The following COL21A1 variants were observed in gnomAD, a reference collection of about 807,000 sequenced individuals.
The protein encoded by COL21A1 is collagen type XXI alpha 1 chain.
COL21A1 carries 149 observed loss-of-function variants against 137.9 expected under a neutral mutation model. The ratio of observed to expected loss-of-function variants is 1.08; its 90% CI spans 0.95 to 1.24. COL21A1 has a LOEUF of 1.24. Among genes scored for constraint, COL21A1 ranks in the 50% most tolerant of loss-of-function variants. The pLI is 0.00. For synonymous variants in COL21A1, 456 were observed against 391.5 expected (o/e 1.16, Z -1.95); for missense variants, 1,167 against 1,158.4 (o/e 1.01, Z -0.11).
intron 1 of COL21A1, among the ~76,000 whole-genome samples, chr6:56,301,559 A>G: frequency 6.6e-6 from 1 of 152,192 alleles, no homozygotes; most frequent in East Asian, 1.9e-4. Context: ...AAAGATAGGA[A>G]CAAGATTACT....
rs1020271935 is a variant in COL21A1, at chr6:56,058,170, T to A, written c.2687-326A>T. Reference sequence around the variant, plus strand: ...AATCTTATTTCTTCCTTTCAGCCTATCTTTTACCAATATTATTATAAATTA... The same window carrying A: ...AATCTTATTTCTTCCTTTCAGCCTAACTTTTACCAATATTATTATAAATTA... On this transcript the variant is annotated intron_variant, in intron 29 of 29. Transcript: ENST00000244728. 1.2e-4 allele frequency among the ~76,000 whole-genome samples: 19 copies of A among 152,262 alleles called. No individual in the cohort carries two copies. The East Asian group carries it at 3.7e-3, about 29-fold the overall frequency.
intron 1 of COL21A1, among the ~76,000 whole-genome samples, chr6:56,225,096 CCACTAAATTAGTTTAAA>C (rs1242348391): frequency 7.9e-5 from 12 of 152,026 alleles, no homozygotes; most frequent in Non-Finnish European, 1.5e-5. Flanking sequence ...ATCACTTTAA[CCACTAAATTAGTTTAAA>C]CACCACTGAC....
chr6:56,147,518 T>C lies in COL21A1; in HGVS notation c.1435-5535A>G, dbSNP rs552010293. The stretch of plus-strand genomic sequence containing the variant: ...AATAATTACTGAGTTCAACCAGTTA[T>C]CACCAACCGAGAACTCTAATAGTAG... On this transcript the variant is annotated intron_variant, in intron 10 of 29. Coordinates refer to ENST00000244728, the MANE Select transcript of COL21A1 (RefSeq NM_030820.4). Among the ~76,000 whole-genome samples, 3 of 152,150 alleles carry C rather than the reference T, an allele frequency of 2.0e-5. No individual in the cohort carries two copies. The South Asian group carries it at 6.2e-4, about 32-fold the overall frequency.
Position 56,200,862 on chromosome 6 carries a change from G to C in COL21A1, c.-38-18206C>G, listed in dbSNP as rs1338251318. Among the ~76,000 whole-genome samples, 12 of 152,032 alleles carry C rather than the reference G, an allele frequency of 7.9e-5. No individual in the cohort carries two copies. In the South Asian group the frequency reaches 1.5e-3, roughly 18 times the overall value. ...TCAAATGGTACTTCTAGTTCTAGAT[G>C]CCTGAGGAATCGCCACACTGACTTC... On this transcript the variant is annotated intron_variant, in intron 1 of 29. Coordinates refer to ENST00000244728, the MANE Select transcript of COL21A1 (RefSeq NM_030820.4).
chr6:56,194,158 CA>C (rs1778877070), intron 1 of COL21A1, among the ~76,000 whole-genome samples: 1 of 152,084 alleles, frequency 6.6e-6, no homozygotes, highest in South Asian at 2.1e-4. Context: ...GTTCCTCTAC[CA>C]AAAATATCTC....
intron 1 of COL21A1, among the ~76,000 whole-genome samples, chr6:56,240,703 C>A (rs1310413760): frequency 6.6e-6 from 1 of 152,146 alleles, no homozygotes; most frequent in Non-Finnish European, 1.5e-5. Context: ...TTTGCAAGCA[C>A]ACCTGTCTAA....
rs1415108336 is a variant in COL21A1 at position 56,070,675 on chromosome 6, T to C, written c.2019+70A>G. 9.3e-6 allele frequency: 10 copies of C among 1,077,488 alleles called. No individual in the cohort carries two copies. The East Asian group carries it at 1.6e-4, about 17-fold the overall frequency. 66.7% of individuals were successfully genotyped at this position (1,077,488 alleles called of 1,614,324 possible). A position where few individuals can be genotyped will look rare whatever the true frequency, so the allele number is the denominator to read the frequency against. ...TCTCTTCAGAGATATAAAATGTTAA[T>C]TTTCTTAAATAATGAGGGGAATTTA... On this transcript the variant is annotated intron_variant, in intron 21 of 29. Transcript: ENST00000244728.
chr6:56,332,306 T>C (rs1329017945), intron 1 of COL21A1, among the ~76,000 whole-genome samples: 2 of 152,024 alleles, frequency 1.3e-5, no homozygotes, highest in East Asian at 1.9e-4. Flanking sequence ...GTTTCAACTA[T>C]GATTTCTTTA....
At chr6:56,226,860 G>T (rs1172715839) in intron 1 of COL21A1, among the ~76,000 whole-genome samples, 1 of 89,502 alleles carries the variant, frequency 1.1e-5, no homozygotes, top group Non-Finnish European at 2.4e-5. Flanking sequence ...TTGAAAACAG[G>T]TCACTGAGAA....
chr6:56,146,993 T>A (rs551732141), intron 10 of COL21A1, among the ~76,000 whole-genome samples: 25 of 152,242 alleles, frequency 1.6e-4, no homozygotes, highest in Admixed American at 3.9e-4. Context: ...CTTTGACAAA[T>A]AATCTCTGCA....
At chr6:56,324,443 G>A (rs1764950485) in intron 1 of COL21A1, among the ~76,000 whole-genome samples, 1 of 152,084 alleles carries the variant, frequency 6.6e-6, no homozygotes. Flanking sequence ...AGCAGCCTGT[G>A]TGTTGCCTTG....
At chr6:56,270,682 A>G (rs745881491) in intron 1 of COL21A1, among the ~76,000 whole-genome samples, 14 of 152,166 alleles carry the variant, frequency 9.2e-5, no homozygotes, top group Non-Finnish European at 1.9e-4. Context: ...CGTGTCCTGA[A>G]AGACATCTGG....
At position 56,069,074 on chromosome 6, in the gene COL21A1, A is replaced by C; in HGVS notation, c.2063T>G (p.Met688Arg). 6.2e-7 allele frequency: 1 copy of C among 1,600,988 alleles called. No homozygotes were observed. Among genetic ancestry groups the C allele is most frequent in the Non-Finnish European group, 8.5e-7 (1 of 1,173,662 alleles). Residue 688 changes from methionine to arginine, a missense_variant, in exon 22 of 30, where the codon ATG becomes AGG. Transcript: ENST00000244728. ...TTTTCCTTGAATCCCGGGTAAACCC[A>C]TGTATCCTGGTTCTCCTGGGGAACC... ...ATGSPGEPGYMGLPGIQGKKG... is the reference protein window; with the variant it reads ...ATGSPGEPGYRGLPGIQGKKG...
At chr6:56,387,920 C>A (rs990467832) in intron 1 of COL21A1, among the ~76,000 whole-genome samples, 1 of 152,130 alleles carries the variant, frequency 6.6e-6, no homozygotes, top group Admixed American at 6.5e-5. Context: ...TACACATGAC[C>A]CAGTGCAATA....
intron 1 of COL21A1, among the ~76,000 whole-genome samples, chr6:56,332,839 G>C (rs1021529059): frequency 6.6e-6 from 1 of 151,930 alleles, no homozygotes; most frequent in African/African-American, 2.4e-5. Flanking sequence ...CCTATTAAAT[G>C]TTCCTTGCCC....
intron 9 of COL21A1, among the ~76,000 whole-genome samples, chr6:56,160,370 C>T (rs758289723): frequency 3.3e-5 from 5 of 152,132 alleles, no homozygotes; most frequent in Non-Finnish European, 7.3e-5. Context: ...AGGTAAGTTG[C>T]CTGAGGTCAC....
intron 1 of COL21A1, among the ~76,000 whole-genome samples, chr6:56,316,880 G>A (rs1344000667): frequency 1.3e-5 from 2 of 152,048 alleles, no homozygotes; most frequent in East Asian, 3.9e-4. Flanking sequence ...CAGCAGGCTG[G>A]GTTAGGGTGT....
chr6:56,366,367 C>A (rs1372640133), intron 1 of COL21A1, among the ~76,000 whole-genome samples: 3 of 152,164 alleles, frequency 2.0e-5, no homozygotes. Flanking sequence ...GCTTTGACAG[C>A]CAAGTACCGC....
chr6:56,184,147 G>A (rs1460901172), intron 1 of COL21A1, among the ~76,000 whole-genome samples: 3 of 152,014 alleles, frequency 2.0e-5, no homozygotes, highest in Non-Finnish European at 4.4e-5. Context: ...AAAATTTTCC[G>A]AATTAATGAA....
Sources: allele counts gnomAD v4.1 joint callset (sites outside exome capture counted in the v4.1 genomes callset), GRCh38; gene constraint gnomAD v4.1.1; transcripts MANE v1.5; gene names NCBI Gene and HGNC (gene_info 2026-07-23, HGNC 2026-07-21).